Variants in EPB41L1 observed in about 807,000 individuals in gnomAD.
The protein encoded by EPB41L1 is band 4.1-like protein 1.
In EPB41L1, 29 loss-of-function variants were observed where a neutral mutation model predicts 97.8. The observed-to-expected ratio is 0.30, with a 90% CI of 0.22 to 0.40. The LOEUF (loss-of-function observed/expected upper bound fraction) is 0.40, where lower values mean the gene tolerates loss of function less well. Ranked by LOEUF, EPB41L1 falls within the 10% of genes least tolerant of loss-of-function variation. EPB41L1 has a pLI of 1.00. For missense variants in EPB41L1, 812 were observed against 1,162.3 expected (o/e 0.70, Z 4.38); for synonymous variants, 383 against 459.2 (o/e 0.83, Z 2.12).
At chr20:36,141,326 G>A (rs995042853) in intron 2 of EPB41L1, among the ~76,000 whole-genome samples, 1 of 152,154 alleles carries the variant, frequency 6.6e-6, no homozygotes, top group Non-Finnish European at 1.5e-5. Context: ...GGTTCACTAC[G>A]ACTGTCATCT....
intron 2 of EPB41L1, among the ~76,000 whole-genome samples, chr20:36,142,120 A>G (rs1328847577): frequency 1.2e-4 from 18 of 152,002 alleles, no homozygotes; most frequent in Admixed American, 1.1e-3. Context: ...AAAAAAAAAA[A>G]AAAAGAAAAG....
chr20:36,200,922 G>C, intron 14 of EPB41L1: 1 of 456,706 alleles, frequency 2.2e-6, no homozygotes, highest in Non-Finnish European at 4.4e-6. Flanking sequence ...CCTGAGCCTG[G>C]AGCAGCCGCA....
chr20:36,110,652 C>CACAT (rs1303543686), intron 1 of EPB41L1: 1 of 153,502 alleles, frequency 6.5e-6, no homozygotes, highest in African/African-American at 2.4e-5. Flanking sequence ...CACACACACA[C>CACAT]ACACACACAC....
rs573482953 is a variant in EPB41L1 at position 36,093,684 on chromosome 20, C to T, written c.-65+2072C>T. On this transcript the variant is annotated intron_variant, in intron 1 of 19. Transcript: ENST00000202028. The surrounding 1 kb of genome is among the most constrained non-coding windows in gnomAD (Gnocchi z 5.4). Reference sequence around the variant, plus strand: ...TGCTTGAAGCCCGTGTGCGTGCGTGCGTGCGTGTGTGTGTGTGTGTATGTG... The same window carrying T: ...TGCTTGAAGCCCGTGTGCGTGCGTGTGTGCGTGTGTGTGTGTGTGTATGTG... 3.6e-4 allele frequency among the ~76,000 whole-genome samples: 52 copies of T among 143,260 alleles called. No homozygotes were observed. Among genetic ancestry groups the T allele is most frequent in the African/African-American group, 1.4e-3 (52 of 37,368 alleles). 94.0% of individuals were successfully genotyped at this position (143,260 alleles called of 152,430 possible). A position where few individuals can be genotyped will look rare whatever the true frequency, so the allele number is the denominator to read the frequency against.
intron 17 of EPB41L1, among the ~76,000 whole-genome samples, chr20:36,217,017 G>A (rs968126700): frequency 2.0e-5 from 3 of 152,146 alleles, no homozygotes; most frequent in African/African-American, 7.2e-5. Context: ...TATTGACTCG[G>A]AAACTCTAGG....
chr20:36,131,294 A>G (rs2059199077), intron 2 of EPB41L1, among the ~76,000 whole-genome samples: 2 of 151,242 alleles, frequency 1.3e-5, no homozygotes, highest in African/African-American at 2.4e-5. Flanking sequence ...ATTTTTAGTA[A>G]AGATGGGGTT....
chr20:36,173,897 A>G lies in EPB41L1; in HGVS notation c.120A>G (p.Pro40=), dbSNP rs750211774. ...TGACCCCTGCAGGCCACGGCCACCC[A>G]GAGGCCAACTCCAATGAGAAGCATC... ...TPVTPAGHGH[P]EANSNEKHPS... is the part of the protein sequence containing the mutation. Residue 40 remains proline (P), a synonymous_variant, in exon 2 of 22, where the codon CCA becomes CCG. Coordinates refer to ENST00000338074, the MANE Select transcript of EPB41L1 (RefSeq NM_012156.2). 1 of 1,613,784 alleles carries G rather than the reference A, an allele frequency of 6.2e-7. No homozygotes were observed. The highest frequency in any genetic ancestry group is 1.1e-5 in the South Asian group (1 of 91,056).
chr20:36,102,219 T>C (rs1180714720), intron 1 of EPB41L1, among the ~76,000 whole-genome samples: 1 of 151,978 alleles, frequency 6.6e-6, no homozygotes, highest in African/African-American at 2.4e-5. Context: ...ATTGCCCTTG[T>C]AGAAGGCTGG....
chr20:36,147,175 C>T (rs1467170055), intron 2 of EPB41L1, among the ~76,000 whole-genome samples: 8 of 151,898 alleles, frequency 5.3e-5, no homozygotes, highest in African/African-American at 1.9e-4. Context: ...AACAACAAAA[C>T]AGAGGAAAAA....
chr20:36,222,363 C>T lies in EPB41L1; in HGVS notation c.2606C>T (p.Pro869Leu). 1.2e-6 allele frequency: 2 copies of T among 1,614,098 alleles called. No individual in the cohort carries two copies. The highest frequency in any genetic ancestry group is 1.3e-5 in the African/African-American group (1 of 75,050). ...TKAVVYRETD[P>L]SPEERDKKPQ... ...GCTGTCGTATACAGAGAAACAGACCCATCCCCAGAGGAGAGGGACAAGAAG... is the reference window on the plus strand; with the variant it reads ...GCTGTCGTATACAGAGAAACAGACCTATCCCCAGAGGAGAGGGACAAGAAG... Residue 869 changes from proline to leucine, a missense_variant, in exon 21 of 22, where the codon CCA (proline) becomes CTA (leucine). Physicochemically the swap from Pro to Leu is moderately conservative, Grantham distance 98. Coordinates refer to ENST00000338074, the MANE Select transcript of EPB41L1 (RefSeq NM_012156.2).
chr20:36,165,290 T>C (rs1391710340), intron 1 of EPB41L1, among the ~76,000 whole-genome samples: 1 of 151,770 alleles, frequency 6.6e-6, no homozygotes, highest in Admixed American at 6.6e-5. Context: ...CCCAGGACAT[T>C]AACTTTTGTA....
rs529293040 is a variant in EPB41L1, at chr20:36,095,128, C to T, written c.-65+3516C>T. Among the ~76,000 whole-genome samples the T allele has an allele frequency of 2.5e-4, 38 of 152,252 alleles. No homozygotes were observed. The South Asian group carries it at 2.9e-3, about 12-fold the overall frequency. ...CTGGGATTACAGGCACCCACCACCACGCCCGACTAATTTTTGTATTTTTAG... is the reference window on the plus strand; with the variant it reads ...CTGGGATTACAGGCACCCACCACCATGCCCGACTAATTTTTGTATTTTTAG... On this transcript the variant is annotated intron_variant, in intron 1 of 19. Transcript: ENST00000202028.
chr20:36,135,415 C>T (rs777687812), intron 2 of EPB41L1, among the ~76,000 whole-genome samples: 2 of 152,230 alleles, frequency 1.3e-5, no homozygotes, highest in Non-Finnish European at 2.9e-5. Flanking sequence ...AAGCAATAAG[C>T]ATGAGGTCAG....
intron 1 of EPB41L1, 123 bp from the exon 2 acceptor site, chr20:36,173,641 T>C: frequency 1.2e-6 from 1 of 869,462 alleles, no homozygotes; most frequent in Non-Finnish European, 1.9e-6. Context: ...CCTCCTCCCT[T>C]TGCCCTGTGA....
intron 1 of EPB41L1, among the ~76,000 whole-genome samples, chr20:36,160,750 T>C (rs2060494609): frequency 6.6e-6 from 1 of 152,236 alleles, no homozygotes; most frequent in Non-Finnish European, 1.5e-5. Context: ...GGATCATACA[T>C]TGCATTATTG....
chr20:36,168,617 G>A (rs532283394), intron 1 of EPB41L1, among the ~76,000 whole-genome samples: 2 of 151,198 alleles, frequency 1.3e-5, no homozygotes, highest in Non-Finnish European at 2.9e-5. Context: ...TGCAACCTCC[G>A]ACTCCCAGTT....
At chr20:36,225,087 G>C (rs760324377) in intron 21 of EPB41L1, among the ~76,000 whole-genome samples, 1 of 152,224 alleles carries the variant, frequency 6.6e-6, no homozygotes, top group Non-Finnish European at 1.5e-5. Context: ...CTCCCAAAGT[G>C]CTAGGATTAC....
chr20:36,210,772 C>T (rs1257459589), intron 15 of EPB41L1, among the ~76,000 whole-genome samples: 1 of 152,218 alleles, frequency 6.6e-6, no homozygotes, highest in African/African-American at 2.4e-5. Flanking sequence ...CCAGCACTAT[C>T]CAAAGCGGTC....
chr20:36,210,209 A>G (rs929479880), intron 15 of EPB41L1, among the ~76,000 whole-genome samples: 5 of 152,168 alleles, frequency 3.3e-5, no homozygotes, highest in African/African-American at 1.2e-4. Context: ...TGCAGAGAGC[A>G]TGCGTCTGTG....
Sources: gnomAD v4.1 joint callset for allele counts (sites outside exome capture counted in the v4.1 genomes callset) on GRCh38, gnomAD v4.1.1 for gene constraint, Gnocchi (gnomAD v3.1) non-coding constraint, MANE v1.5 for transcripts, NCBI Gene and HGNC (gene_info 2026-07-23, HGNC 2026-07-21) for gene names.